Variants in SHISA9 observed in about 807,000 individuals in gnomAD.
The protein encoded by SHISA9 is shisa family member 9.
In SHISA9, 13 loss-of-function variants were observed where a neutral mutation model predicts 38.0. The ratio of observed to expected loss-of-function variants is 0.34; its 90% confidence interval spans 0.22 to 0.54. SHISA9 has a LOEUF of 0.54. SHISA9 is among the 20% of genes least tolerant of loss of function. SHISA9 has a pLI of 0.91. For synonymous variants in SHISA9, 275 were observed against 242.0 expected (o/e 1.14, Z -1.27); for missense variants, 538 against 575.8 (o/e 0.93, Z 0.67).
At chr16:12,976,462 C>T (rs2072163101) in intron 2 of SHISA9, among the ~76,000 whole-genome samples, 1 of 152,088 alleles carries the variant, frequency 6.6e-6, no homozygotes, top group Admixed American at 6.6e-5. Context: ...GACATGGGTG[C>T]ATCATCTTTA....
At chr16:13,076,749 T>C (rs1177451545) in intron 2 of SHISA9, among the ~76,000 whole-genome samples, 1 of 152,222 alleles carries the variant, frequency 6.6e-6, no homozygotes, top group Non-Finnish European at 1.5e-5. Flanking sequence ...AGTGATTGGT[T>C]TCCTTACTTT....
chr16:13,432,153 A>G, the SHISA9 span, among the ~76,000 whole-genome samples: 1 of 152,254 alleles, frequency 6.6e-6, no homozygotes, highest in Non-Finnish European at 1.5e-5. Flanking sequence ...TTTCTAGGCT[A>G]TAATCTCTGA....
the SHISA9 span, among the ~76,000 whole-genome samples, chr16:13,467,644 C>G: frequency 3.3e-3 from 509 of 152,308 alleles, 1 homozygote; most frequent in African/African-American, 0.012. Flanking sequence ...AACCCTGACA[C>G]TCACAATTTG....
intron 4 of SHISA9, 142 bp downstream of exon 4, chr16:13,213,442 G>T (rs2051139062): frequency 1.4e-6 from 1 of 695,466 alleles, no homozygotes; most frequent in East Asian, 2.8e-5. Flanking sequence ...GTCCGTCTAA[G>T]TTCCAGTGTG....
At chr16:13,384,544 T>G in the SHISA9 span, among the ~76,000 whole-genome samples, 1 of 152,206 alleles carries the variant, frequency 6.6e-6, no homozygotes, top group East Asian at 1.9e-4. Flanking sequence ...TCCATTTTTC[T>G]CTACCAAGAG....
chr16:13,043,767 TTTA>T (rs142433962), intron 2 of SHISA9, among the ~76,000 whole-genome samples: 23,895 of 151,964 alleles, frequency 0.16, 3,168 homozygotes, highest in African/African-American at 0.35. Flanking sequence ...ATAGCTTAGA[TTTA>T]TTGACATTTT....
chr16:13,372,908 T>G, the SHISA9 span, among the ~76,000 whole-genome samples: 2 of 84,322 alleles, frequency 2.4e-5, no homozygotes, highest in African/African-American at 4.7e-5. Flanking sequence ...GAAATTTTAA[T>G]GACATAGATA....
the SHISA9 span, among the ~76,000 whole-genome samples, chr16:13,256,346 A>G: frequency 2.6e-5 from 4 of 152,136 alleles, no homozygotes; most frequent in African/African-American, 4.8e-5. Context: ...CAATGGTGCC[A>G]CCTCGGCTCA....
intron 2 of SHISA9, among the ~76,000 whole-genome samples, chr16:13,019,933 TTCTTTCTTTCTTTC>T (rs2072823839): frequency 5.3e-5 from 5 of 95,084 alleles, no homozygotes; most frequent in Admixed American, 1.1e-4. Context: ...CTTTCTTTCT[TTCTTTCTTTCTTTC>T]TTTCTTTCTT....
the SHISA9 span, among the ~76,000 whole-genome samples, chr16:13,498,614 G>A: frequency 0.013 from 1,917 of 152,128 alleles, 33 homozygotes; most frequent in African/African-American, 0.037. Context: ...AACATTAGCC[G>A]AGTATGGTGG....
the SHISA9 span, among the ~76,000 whole-genome samples, chr16:13,502,073 G>C: frequency 6.6e-6 from 1 of 152,000 alleles, no homozygotes; most frequent in Non-Finnish European, 1.5e-5. Context: ...TGGAAGGATG[G>C]ATATATAGAT....
At chr16:13,371,697 T>C in the SHISA9 span, among the ~76,000 whole-genome samples, 1 of 152,240 alleles carries the variant, frequency 6.6e-6, no homozygotes, top group African/African-American at 2.4e-5. Context: ...AATACTTATT[T>C]TGGCATCAGT....
intron 2 of SHISA9, among the ~76,000 whole-genome samples, chr16:13,185,641 G>A (rs2050814272): frequency 6.6e-6 from 1 of 152,184 alleles, no homozygotes; most frequent in Non-Finnish European, 1.5e-5. Flanking sequence ...TGTGTTACAA[G>A]GAAATTGTTT....
chr16:13,155,843 G>A (rs1248320732), intron 2 of SHISA9, among the ~76,000 whole-genome samples: 1 of 150,710 alleles, frequency 6.6e-6, no homozygotes, highest in African/African-American at 2.4e-5. Context: ...ATAGTAACAA[G>A]AGGATTTCTC....
the SHISA9 span, among the ~76,000 whole-genome samples, chr16:13,442,189 T>C: frequency 6.6e-6 from 1 of 152,238 alleles, no homozygotes; most frequent in East Asian, 1.9e-4. Flanking sequence ...TGATGTTTCT[T>C]TGCTTGTTTT....
intron 2 of SHISA9, among the ~76,000 whole-genome samples, chr16:13,123,351 G>T (rs2050230301): frequency 6.6e-6 from 1 of 152,258 alleles, no homozygotes; most frequent in Non-Finnish European, 1.5e-5. Context: ...CTTGGGCCAT[G>T]GGTGGCAAGA....
At chr16:12,971,570 G>A (rs951096158) in intron 2 of SHISA9, among the ~76,000 whole-genome samples, 1 of 152,170 alleles carries the variant, frequency 6.6e-6, no homozygotes, top group African/African-American at 2.4e-5. Flanking sequence ...TGTGCTCTGG[G>A]GATGCTGTTT....
the SHISA9 span, among the ~76,000 whole-genome samples, chr16:13,313,703 G>A: frequency 6.6e-6 from 1 of 152,166 alleles, no homozygotes; most frequent in African/African-American, 2.4e-5. Flanking sequence ...GTAACAAATT[G>A]TATACACAGA....
At chr16:13,407,423 G>A in the SHISA9 span, among the ~76,000 whole-genome samples, 89 of 152,200 alleles carry the variant, frequency 5.8e-4, 1 homozygote, top group East Asian at 0.011. Flanking sequence ...TCACTCATGG[G>A]GGCTCTATTC....
Sources: gnomAD v4.1 joint callset for allele counts (sites outside exome capture counted in the v4.1 genomes callset) on GRCh38, gnomAD v4.1.1 for gene constraint, MANE v1.5 for transcripts, NCBI Gene and HGNC (gene_info 2026-07-23, HGNC 2026-07-21) for gene names.